KSR2: variants seen among roughly 807,000 people sequenced by gnomAD.
KSR2 encodes the protein kinase suppressor of ras 2.
KSR2 carries 25 observed loss-of-function variants against 107.8 expected under a neutral mutation model. The ratio of observed to expected loss-of-function variants is 0.23; its 90% CI spans 0.17 to 0.32. KSR2 has a LOEUF of 0.32. Ranked by LOEUF, KSR2 falls within the 10% of genes least tolerant of loss-of-function variation. The probability of loss-of-function intolerance (pLI) is 1.00; values close to 1 mark genes in which losing one functional copy is unlikely to be tolerated. For missense variants in KSR2, 887 were observed against 1,268.9 expected, an observed-to-expected ratio of 0.70 and a Z score of 4.57; for synonymous variants, 480 against 507.0, an observed-to-expected ratio of 0.95 and a Z score of 0.71.
chr12:117,940,484 C>T (rs1027491176), intron 1 of KSR2, among the ~76,000 whole-genome samples: 2 of 152,180 alleles, frequency 1.3e-5, no homozygotes, highest in African/African-American at 4.8e-5. Context: ...CGCCATCAGC[C>T]TTATTTTCAT....
intron 4 of KSR2, among the ~76,000 whole-genome samples, chr12:117,739,738 A>T (rs1311869850): frequency 6.6e-6 from 1 of 152,098 alleles, no homozygotes; most frequent in Non-Finnish European, 1.5e-5. Flanking sequence ...GACTAGAAAC[A>T]ACTGGACAGG....
intron 3 of KSR2, among the ~76,000 whole-genome samples, chr12:117,790,481 T>C (rs551882834): frequency 1.8e-4 from 27 of 152,264 alleles, no homozygotes; most frequent in African/African-American, 6.0e-4. Flanking sequence ...AGCAATCAGA[T>C]ATGCATTTGT....
intron 1 of KSR2, among the ~76,000 whole-genome samples, chr12:117,962,923 G>A (rs369926063): frequency 8.8e-5 from 13 of 148,056 alleles, no homozygotes; most frequent in South Asian, 2.2e-4. Context: ...GATGGCTCAC[G>A]CCTATAATCC....
At chr12:117,885,565 A>G (rs571263685) in intron 1 of KSR2, among the ~76,000 whole-genome samples, 2 of 152,064 alleles carry the variant, frequency 1.3e-5, no homozygotes, top group Non-Finnish European at 2.9e-5. Flanking sequence ...GTATAAACAC[A>G]TATGTAATAT....
chr12:117,791,556 A>G (rs1268360698), intron 3 of KSR2, among the ~76,000 whole-genome samples: 1 of 152,238 alleles, frequency 6.6e-6, no homozygotes, highest in Admixed American at 6.5e-5. Flanking sequence ...AAAATAGCTC[A>G]GTGTGATTGG....
In KSR2 at chr12:117,815,990, AGTGTGTGTGTGTGTGTGTGT is replaced by A. The variant is rs35013081; in HGVS notation, c.472+39418_472+39437del. 5.8e-3 allele frequency among the ~76,000 whole-genome samples: 660 copies of A among 113,620 alleles called. 10 individuals carry two copies. Among genetic ancestry groups the A allele is most frequent in the African/African-American group, 0.018 (567 of 31,432 alleles). The allele number at this position is 113,620 out of a possible 152,430, so 74.5% of individuals were successfully genotyped here. ...ACTCTGTCTCAAAAAAAAAAAATAA[AGTGTGTGTGTGTGTGTGTGT>A]GTGTGTGTGTGTGTGTGTGTGTGTG... On this transcript the variant is annotated intron_variant, in intron 3 of 19. Coordinates refer to ENST00000339824, the MANE Select transcript of KSR2 (RefSeq NM_173598.6).
At chr12:117,870,911 G>A (rs73404897) in intron 1 of KSR2, among the ~76,000 whole-genome samples, 21,679 of 152,164 alleles carry the variant, frequency 0.14, 1,743 homozygotes, top group Middle Eastern at 0.18. Context: ...GTACTCAGCC[G>A]AGCAGGGAAA....
chr12:117,861,450 G>A lies in KSR2; in HGVS notation c.181-1019C>T, dbSNP rs569360887. Reference sequence around the variant, plus strand: ...GTCGCCCAGGCTGGAGTGCAGTGGCGTGATCTCGGCTCACTGCAAGCTCCG... The same window carrying A: ...GTCGCCCAGGCTGGAGTGCAGTGGCATGATCTCGGCTCACTGCAAGCTCCG... On this transcript the variant is annotated intron_variant, in intron 1 of 19. Transcript: ENST00000339824. 1.2e-3 allele frequency among the ~76,000 whole-genome samples: 168 copies of A among 137,896 alleles called. 5 individuals are homozygous for A. In the East Asian group the frequency reaches 0.013, roughly 11 times the overall value. The allele number at this position is 137,896 out of a possible 152,430, so 90.5% of individuals were successfully genotyped here. A position where few individuals can be genotyped will look rare whatever the true frequency, so the allele number is the denominator to read the frequency against.
At chr12:117,877,328 C>T (rs1031081560) in intron 1 of KSR2, among the ~76,000 whole-genome samples, 1 of 151,978 alleles carries the variant, frequency 6.6e-6, no homozygotes, top group African/African-American at 2.4e-5. Flanking sequence ...CAGAGTAAGA[C>T]TCCATCTCAA....
intron 1 of KSR2, among the ~76,000 whole-genome samples, chr12:117,932,870 A>G (rs1478514531): frequency 6.6e-6 from 1 of 152,024 alleles, no homozygotes; most frequent in Non-Finnish European, 1.5e-5. Flanking sequence ...AAAATTAGCC[A>G]GGCATGGTGG....
chr12:117,605,604 C>T (rs1881184119), intron 5 of KSR2, among the ~76,000 whole-genome samples: 1 of 152,006 alleles, frequency 6.6e-6, no homozygotes, highest in Non-Finnish European at 1.5e-5. Flanking sequence ...TGTCCATGAC[C>T]CAGCAATCCC....
intron 5 of KSR2, among the ~76,000 whole-genome samples, chr12:117,665,673 T>C (rs1022205493): frequency 2.6e-5 from 4 of 152,358 alleles, no homozygotes; most frequent in African/African-American, 4.8e-5. Context: ...CCATTTATTA[T>C]GCACCTACTG....
intron 3 of KSR2, among the ~76,000 whole-genome samples, chr12:117,849,045 C>G (rs888111018): frequency 1.6e-4 from 24 of 152,032 alleles, no homozygotes; most frequent in Non-Finnish European, 3.4e-4. Context: ...GGTGGCAGAG[C>G]CAGAACTTAA....
At chr12:117,586,177 C>T (rs1879977673) in intron 5 of KSR2, among the ~76,000 whole-genome samples, 1 of 152,030 alleles carries the variant, frequency 6.6e-6, no homozygotes, top group Non-Finnish European at 1.5e-5. Flanking sequence ...TTGAAAGCTC[C>T]CTGACGGATG....
intron 4 of KSR2, among the ~76,000 whole-genome samples, chr12:117,757,090 C>A (rs647931): frequency 0.78 from 117,150 of 151,110 alleles, 45,791 homozygotes; most frequent in African/African-American, 0.87. Context: ...GAAAGGATTC[C>A]CCATTTTGGA....
At chr12:117,858,214 A>G (rs1387454611) in intron 2 of KSR2, among the ~76,000 whole-genome samples, 2 of 152,062 alleles carry the variant, frequency 1.3e-5, no homozygotes, top group Non-Finnish European at 2.9e-5. Context: ...CCAGTTTTCA[A>G]CCCCTGGTCT....
chr12:117,713,495 A>C (rs1886870918), intron 4 of KSR2, among the ~76,000 whole-genome samples: 1 of 151,794 alleles, frequency 6.6e-6, no homozygotes, highest in Non-Finnish European at 1.5e-5. Context: ...AATGCATAAC[A>C]AATGTTAAGA....
intron 3 of KSR2, among the ~76,000 whole-genome samples, chr12:117,793,740 C>G (rs1890410645): frequency 6.9e-6 from 1 of 144,596 alleles, no homozygotes; most frequent in Admixed American, 6.9e-5. Context: ...TGCACTCATA[C>G]CATGCACATA....
chr12:117,581,286 T>C (rs1203884523), intron 6 of KSR2, among the ~76,000 whole-genome samples: 1 of 152,144 alleles, frequency 6.6e-6, no homozygotes, highest in Admixed American at 6.5e-5. Flanking sequence ...CTCTCCATAC[T>C]GTCATGGTCT....
Sources: gnomAD v4.1 joint callset for allele counts (sites outside exome capture counted in the v4.1 genomes callset) on GRCh38, gnomAD v4.1.1 for gene constraint, MANE v1.5 for transcripts, NCBI Gene and HGNC (gene_info 2026-07-23, HGNC 2026-07-21) for gene names.